IPPK: variants seen among roughly 807,000 people sequenced by gnomAD.
IPPK encodes the protein inositol-pentakisphosphate 2-kinase, also known as IPK1 homolog.
A neutral mutation model predicts 64.6 loss-of-function variants in IPPK; 22 were observed. The ratio of observed to expected loss-of-function variants is 0.34; its 90% CI spans 0.24 to 0.49. IPPK has a LOEUF of 0.49. IPPK is among the 20% of genes least tolerant of loss of function. The pLI is 0.99. For missense variants in IPPK, 532 were observed against 630.7 expected, an observed-to-expected ratio of 0.84 and a Z score of 1.68; for synonymous variants, 262 against 247.2, an observed-to-expected ratio of 1.06 and a Z score of -0.56.
At position 92,615,999 on chromosome 9, in the gene IPPK, C is replaced by T; in HGVS notation, c.1309G>A (p.Val437Met). The T allele has an allele frequency of 1.2e-6, 2 of 1,614,206 alleles. No homozygotes were observed. Among genetic ancestry groups the T allele is most frequent in the Non-Finnish European group, 1.7e-6 (2 of 1,180,036 alleles). Residue 437 changes from valine (V) to methionine (M), a missense_variant, in exon 13 of 13, where the codon GTG (valine) becomes ATG (methionine). Transcript: ENST00000287996. Reference sequence around the variant, plus strand: ...TAGGGCTTGAGGTCAAGGTCCAGCACAGACACGGAAAAGGCAAACCTGGAC... The same window carrying T: ...TAGGGCTTGAGGTCAAGGTCCAGCATAGACACGGAAAAGGCAAACCTGGAC... ...SRSRFAFSVS[V>M]LDLDLKPYES...
rs928219836 is a variant in IPPK at position 92,614,594 on chromosome 9, C to T, written c.*1238G>A. 1 of 152,602 alleles carries T rather than the reference C, an allele frequency of 6.6e-6. No individual in the cohort carries two copies. The highest frequency in any genetic ancestry group is 2.4e-5 in the African/African-American group (1 of 41,434). The allele number at this position is 152,602 out of a possible 1,614,324, so 9.5% of individuals were successfully genotyped here. ...AACAAGTATAATTCTCAAGTTATCACAAAATTTCCCACAAAAATTTACAAT... is the reference window on the plus strand; with the variant it reads ...AACAAGTATAATTCTCAAGTTATCATAAAATTTCCCACAAAAATTTACAAT... On this transcript the variant is annotated 3_prime_UTR_variant, in exon 13 of 13. Coordinates refer to ENST00000287996, the MANE Select transcript of IPPK (RefSeq NM_022755.6).
chr9:92,664,623 T>A (rs1474440022), intron 1 of IPPK, among the ~76,000 whole-genome samples: 1 of 152,064 alleles, frequency 6.6e-6, no homozygotes, highest in East Asian at 1.9e-4. Context: ...CCTATAGGCA[T>A]GGAAAGCCTC....
intron 1 of IPPK, 115 bp from the exon 2 acceptor site, chr9:92,658,796 C>A: frequency 1.0e-6 from 1 of 957,678 alleles, no homozygotes. Context: ...AGCTCCACAG[C>A]AAGGAGGCTG....
rs182748334 is a variant in IPPK, at chr9:92,646,002, T to C, written c.504+2057A>G. ...ACATTTTGTAATTCTTGTTCCTCTA[T>C]ATAATTTAAGAGACAACTGCATAAG... On this transcript the variant is annotated intron_variant, in intron 6 of 12. Coordinates refer to ENST00000287996, the MANE Select transcript of IPPK (RefSeq NM_022755.6). Among the ~76,000 whole-genome samples, 477 of 152,282 alleles carry C rather than the reference T, an allele frequency of 3.1e-3. 3 individuals are homozygous for C. Among genetic ancestry groups the C allele is most frequent in the African/African-American group, 0.011 (441 of 41,558 alleles).
chr9:92,628,918 A>G (rs1851781723), intron 11 of IPPK, among the ~76,000 whole-genome samples: 1 of 152,060 alleles, frequency 6.6e-6, no homozygotes, highest in South Asian at 2.1e-4. Flanking sequence ...ACAACTGTAT[A>G]TCTACATGCA....
chr9:92,654,566 T>C (rs917212633), intron 3 of IPPK, among the ~76,000 whole-genome samples: 3 of 152,134 alleles, frequency 2.0e-5, no homozygotes, highest in Admixed American at 1.3e-4. Context: ...AAAGTCCAAC[T>C]ACATTGGCGA....
rs1851913965 is a variant in IPPK at position 92,635,088 on chromosome 9, G to A, written c.1067+70C>T. On this transcript the variant is annotated intron_variant, in intron 10 of 12. Transcript: ENST00000287996. The surrounding 1 kb of genome is among the most constrained non-coding windows in gnomAD (Gnocchi z 4.4). ...CCTGGGAAGCTGTGCCTTGGGAGGC[G>A]CATTCTTACCCTGCCCACTCCCACA... is the stretch of plus-strand genomic sequence containing the variant. 2.8e-6 allele frequency: 4 copies of A among 1,423,018 alleles called. No individual in the cohort carries two copies. Among genetic ancestry groups the A allele is most frequent in the South Asian group, 2.8e-5 (2 of 70,562 alleles). The allele number at this position is 1,423,018 out of a possible 1,614,324, so 88.1% of individuals were successfully genotyped here. A position where few individuals can be genotyped will look rare whatever the true frequency, so the allele number is the denominator to read the frequency against.
chr9:92,615,937 C>A lies in IPPK; in HGVS notation c.1371G>T (p.Lys457Asn). ...SIPHQYKLDGKIVNYYSKTVR... is the reference protein window; with the variant it reads ...SIPHQYKLDGNIVNYYSKTVR... ...CAGTCTTTGAATAATAGTTGACGAT[C>A]TTGCCGTCCAGTTTATACTGATGGG... The change falls in exon 13 of 13, where the codon AAG becomes AAT. Residue 457 changes from lysine to asparagine, a missense_variant. By Grantham distance (94) the Lys-to-Asn change is moderately conservative. Transcript: ENST00000287996. The A allele has an allele frequency of 6.2e-7, 1 of 1,614,150 alleles. No individual in the cohort carries two copies. The highest frequency in any genetic ancestry group is 1.7e-5 in the Admixed American group (1 of 60,020).
At chr9:92,669,129 C>G (rs751567791) in intron 1 of IPPK, among the ~76,000 whole-genome samples, 2 of 152,136 alleles carry the variant, frequency 1.3e-5, no homozygotes, top group Non-Finnish European at 2.9e-5. Context: ...AACACCCATG[C>G]TCTAACTCCT....
At chr9:92,658,363 G>A (rs1035823000) in intron 2 of IPPK, among the ~76,000 whole-genome samples, 2 of 152,168 alleles carry the variant, frequency 1.3e-5, no homozygotes. Flanking sequence ...TGGGGTCCTC[G>A]CCACAAGCAG....
chr9:92,669,138 C>T (rs939044728), intron 1 of IPPK, among the ~76,000 whole-genome samples: 2 of 152,132 alleles, frequency 1.3e-5, no homozygotes, highest in Non-Finnish European at 2.9e-5. Flanking sequence ...GCTCTAACTC[C>T]TCCCTACATG....
At chr9:92,636,333 T>A (rs952347829) in intron 9 of IPPK, among the ~76,000 whole-genome samples, 11 of 152,160 alleles carry the variant, frequency 7.2e-5, no homozygotes, top group Non-Finnish European at 1.6e-4. Flanking sequence ...GCATGGTCAA[T>A]AAAGAACAAA....
intron 7 of IPPK, among the ~76,000 whole-genome samples, chr9:92,641,195 G>A (rs1372509795): frequency 1.3e-5 from 2 of 152,226 alleles, no homozygotes; most frequent in Admixed American, 6.5e-5. Flanking sequence ...GGAGACCTCT[G>A]ATGGGCCACG....
At chr9:92,637,850 C>A in intron 9 of IPPK, 151 bp downstream of exon 9, 1 of 737,640 alleles carries the variant, frequency 1.4e-6, no homozygotes, top group Non-Finnish European at 2.1e-6. Context: ...TGAGAGGCAG[C>A]GAGGCCCCGT....
intron 8 of IPPK, 85 bp from the exon 9 acceptor site, chr9:92,638,365 G>A: frequency 2.0e-6 from 3 of 1,491,078 alleles, no homozygotes; most frequent in East Asian, 4.6e-5. Flanking sequence ...AGCATCCCAG[G>A]CAGCGGGTGA....
At chr9:92,648,290 TC>T in intron 5 of IPPK, 142 bp from the exon 6 acceptor site, 1 of 650,742 alleles carries the variant, frequency 1.5e-6, no homozygotes, top group Non-Finnish European at 2.7e-6. Context: ...CATTTGCACC[TC>T]CCAGCGGGAA....
chr9:92,635,781 G>A lies in IPPK; in HGVS notation c.917-473C>T, dbSNP rs903802993. ...GCCTGGAGTGCAGTGGCGTGATCTC[G>A]ACTCATTGCAACTGCAAGGCAAGGA... On this transcript the variant is annotated intron_variant, in intron 9 of 12. Coordinates refer to ENST00000287996, the MANE Select transcript of IPPK (RefSeq NM_022755.6). This position sits in a 1 kb window ranked among gnomAD's most constrained non-coding sequence, Gnocchi z 4.4. Among the ~76,000 whole-genome samples, 6 of 151,086 alleles carry A rather than the reference G, an allele frequency of 4.0e-5. No homozygotes were observed. Among genetic ancestry groups the A allele is most frequent in the African/African-American group, 1.2e-4 (5 of 41,034 alleles).
chr9:92,622,587 TAAAA>T (rs1471516534), intron 11 of IPPK, among the ~76,000 whole-genome samples: 1 of 150,660 alleles, frequency 6.6e-6, no homozygotes, highest in East Asian at 2.0e-4. Flanking sequence ...AAGAGAACCA[TAAAA>T]CATTTTTATC....
intron 3 of IPPK, among the ~76,000 whole-genome samples, chr9:92,655,306 G>A (rs1852349741): frequency 6.6e-6 from 1 of 152,208 alleles, no homozygotes; most frequent in Admixed American, 6.5e-5. Context: ...AATGGGCTCT[G>A]CACCTACTTT....
Sources: allele counts gnomAD v4.1 joint callset (sites outside exome capture counted in the v4.1 genomes callset), GRCh38; gene constraint gnomAD v4.1.1; non-coding constraint Gnocchi (gnomAD v3.1); transcripts MANE v1.5; gene names NCBI Gene and HGNC (gene_info 2026-07-23, HGNC 2026-07-21).